ULK4: variants seen among roughly 807,000 people sequenced by gnomAD.
The protein encoded by ULK4 is inactive serine/threonine-protein kinase ULK4.
A neutral mutation model predicts 160.6 loss-of-function variants in ULK4; 133 were observed. That is an observed-to-expected ratio of 0.83 (90% CI 0.72 to 0.96). The LOEUF (loss-of-function observed/expected upper bound fraction) is 0.96. Among genes scored for constraint, ULK4 ranks in the 40% least tolerant of loss-of-function variants. ULK4 has a pLI of 0.00. For missense variants in ULK4, 1,580 were observed against 1,499.5 expected (o/e 1.05, Z -0.89); for synonymous variants, 534 against 539.8 (o/e 0.99, Z 0.15).
At chr3:41,797,632 G>C (rs1213231898) in intron 20 of ULK4, among the ~76,000 whole-genome samples, 2 of 152,138 alleles carry the variant, frequency 1.3e-5, no homozygotes, top group Non-Finnish European at 2.9e-5. Context: ...GGCTGAGGTG[G>C]GTGGATCACC....
At chr3:41,748,308 C>T (rs993392166) in intron 22 of ULK4, among the ~76,000 whole-genome samples, 4 of 151,232 alleles carry the variant, frequency 2.6e-5, no homozygotes, top group South Asian at 4.2e-4. Context: ...CACACAGACA[C>T]GCACATACCA....
chr3:41,677,885 TG>T (rs1404000133), intron 29 of ULK4, among the ~76,000 whole-genome samples: 2 of 152,186 alleles, frequency 1.3e-5, no homozygotes, highest in African/African-American at 4.8e-5. Context: ...GGGAAGCAAA[TG>T]GTCCTCCCTA....
At chr3:41,891,832 G>A (rs1315900763) in intron 16 of ULK4, among the ~76,000 whole-genome samples, 1 of 152,164 alleles carries the variant, frequency 6.6e-6, no homozygotes, top group Non-Finnish European at 1.5e-5. Context: ...TTGAACCCGG[G>A]AGGCAGAGGT....
chr3:41,473,339 A>T (rs900930883), intron 32 of ULK4, among the ~76,000 whole-genome samples: 4 of 152,128 alleles, frequency 2.6e-5, no homozygotes, highest in Non-Finnish European at 4.4e-5. Context: ...GGAAAACGCT[A>T]AAGATTCCAC....
chr3:41,505,091 T>C (rs1455534048), intron 32 of ULK4, among the ~76,000 whole-genome samples: 2 of 152,140 alleles, frequency 1.3e-5, no homozygotes, highest in Non-Finnish European at 2.9e-5. Flanking sequence ...GGTACACATA[T>C]ACCAGTAAGC....
intron 32 of ULK4, among the ~76,000 whole-genome samples, chr3:41,525,357 A>G (rs1328881173): frequency 2.6e-5 from 4 of 152,208 alleles, no homozygotes; most frequent in Non-Finnish European, 5.9e-5. Flanking sequence ...CAAGAAAAAA[A>G]ATATTTTGAT....
intron 32 of ULK4, among the ~76,000 whole-genome samples, chr3:41,505,054 C>T (rs1040149670): frequency 6.6e-6 from 1 of 152,106 alleles, no homozygotes; most frequent in Non-Finnish European, 1.5e-5. Context: ...GCAGTGGTGT[C>T]AAATAATCCA....
intron 35 of ULK4, among the ~76,000 whole-genome samples, chr3:41,377,734 T>G (rs199660717): frequency 0.13 from 17,190 of 136,076 alleles, 1,055 homozygotes; most frequent in Admixed American, 0.16. Flanking sequence ...ACAGGTGCTG[T>G]AGAGGATGTG....
intron 20 of ULK4, among the ~76,000 whole-genome samples, chr3:41,795,713 A>G (rs917641893): frequency 1.3e-5 from 2 of 152,242 alleles, no homozygotes; most frequent in Non-Finnish European, 2.9e-5. Flanking sequence ...GAAAAGTTTA[A>G]GCAGGTAAGA....
At chr3:41,832,535 T>G (rs2041626406) in intron 18 of ULK4, among the ~76,000 whole-genome samples, 1 of 152,212 alleles carries the variant, frequency 6.6e-6, no homozygotes, top group African/African-American at 2.4e-5. Context: ...CAGAAGCTCT[T>G]TAGTTTAATT....
intron 35 of ULK4, among the ~76,000 whole-genome samples, chr3:41,371,907 G>C (rs1046259150): frequency 6.6e-6 from 1 of 152,002 alleles, no homozygotes. Flanking sequence ...TAAAAGGTTA[G>C]AGGAATTGCT....
rs575220769 is a variant in ULK4 at position 41,469,080 on chromosome 3, G to A, written c.3227-5827C>T. Among the ~76,000 whole-genome samples, 37 of 152,214 alleles carry A rather than the reference G, an allele frequency of 2.4e-4. No homozygotes were observed. In the South Asian group the frequency reaches 5.6e-3, roughly 23 times the overall value. ...TAAATCTCTACACAGTCAGCCTCCAGGACCAGCCTCATACCTTGCCCCAAA... is the reference window on the plus strand; with the variant it reads ...TAAATCTCTACACAGTCAGCCTCCAAGACCAGCCTCATACCTTGCCCCAAA... On this transcript the variant is annotated intron_variant, in intron 32 of 36. Coordinates refer to ENST00000301831, the MANE Select transcript of ULK4 (RefSeq NM_017886.4).
At chr3:41,254,903 A>T (rs1174730870) in intron 35 of ULK4, among the ~76,000 whole-genome samples, 2 of 151,814 alleles carry the variant, frequency 1.3e-5, no homozygotes, top group Admixed American at 6.6e-5. Flanking sequence ...GAAAAGAAAA[A>T]AAAGAAGAAA....
chr3:41,465,743 G>A (rs1398031416), intron 32 of ULK4, among the ~76,000 whole-genome samples: 4 of 152,106 alleles, frequency 2.6e-5, no homozygotes, highest in African/African-American at 7.2e-5. Flanking sequence ...AATACCTGGG[G>A]CTGGGTTCTT....
chr3:41,909,462 A>G (rs1698696428), intron 11 of ULK4, among the ~76,000 whole-genome samples: 1 of 152,138 alleles, frequency 6.6e-6, no homozygotes, highest in South Asian at 2.1e-4. Flanking sequence ...TGTAATTCTC[A>G]GCACTTTGAG....
At chr3:41,575,748 C>T (rs1395610518) in intron 31 of ULK4, among the ~76,000 whole-genome samples, 1 of 152,252 alleles carries the variant, frequency 6.6e-6, no homozygotes, top group Non-Finnish European at 1.5e-5. Flanking sequence ...CTTTAGAATT[C>T]CAGCCCTCAT....
chr3:41,784,719 C>T (rs73071341), intron 21 of ULK4, among the ~76,000 whole-genome samples: 18,853 of 152,246 alleles, frequency 0.12, 1,350 homozygotes, highest in Middle Eastern at 0.27. Flanking sequence ...TCTAAGGACA[C>T]TGACACCCAA....
At chr3:41,802,315 TGAGACACAGTC>T (rs901317042) in intron 19 of ULK4, among the ~76,000 whole-genome samples, 7 of 152,214 alleles carry the variant, frequency 4.6e-5, no homozygotes, top group African/African-American at 1.7e-4. Context: ...TTTTTCTTTT[TGAGACACAGTC>T]TCACTCTGTC....
intron 34 of ULK4, among the ~76,000 whole-genome samples, chr3:41,417,852 C>A (rs1459545618): frequency 1.3e-5 from 2 of 152,158 alleles, no homozygotes; most frequent in Non-Finnish European, 2.9e-5. Flanking sequence ...AACATACTAA[C>A]TACTCTGGTA....
Sources: gnomAD v4.1 joint callset for allele counts (sites outside exome capture counted in the v4.1 genomes callset) on GRCh38, gnomAD v4.1.1 for gene constraint, MANE v1.5 for transcripts, NCBI Gene and HGNC (gene_info 2026-07-23, HGNC 2026-07-21) for gene names.